BPTF: variants seen among roughly 807,000 people sequenced by gnomAD.
The protein encoded by BPTF is bromodomain PHD finger transcription factor.
Under a neutral mutation model 292.5 loss-of-function variants are expected in BPTF, and 18 were observed. The observed-to-expected ratio is 0.06, with a 90% CI of 0.04 to 0.09. BPTF has a LOEUF of 0.09. Among genes scored for constraint, BPTF ranks in the 10% least tolerant of loss-of-function variants. The pLI, the probability that BPTF is intolerant of heterozygous loss-of-function variation, is 1.00. For missense variants in BPTF, 2,726 were observed against 3,498.7 expected (o/e 0.78, Z 5.57); for synonymous variants, 1,225 against 1,251.9 (o/e 0.98, Z 0.45).
rs2065747994 is a variant in BPTF at position 67,945,593 on chromosome 17, T to C, written c.6885T>C (p.Thr2295=). 6.2e-7 allele frequency: 1 copy of C among 1,611,270 alleles called. No individual in the cohort carries two copies. Among genetic ancestry groups the C allele is most frequent in the Non-Finnish European group, 8.5e-7 (1 of 1,178,474 alleles). ...CCCCAGCTCAGCCTGAAGTTCAGAC[T>C]CAGCCTGAAGTTCAGACCCAAACAA... is the stretch of plus-strand genomic sequence containing the variant. ...PQSPAQPEVQ[T]QPEVQTQTTV... The change falls in exon 21 of 28, where the codon ACT becomes ACC. Residue 2295 remains threonine, a synonymous_variant. Transcript: ENST00000306378.
At chr17:67,970,454 A>T (rs892744568) in intron 26 of BPTF, among the ~76,000 whole-genome samples, 1 of 152,132 alleles carries the variant, frequency 6.6e-6, no homozygotes, top group Non-Finnish European at 1.5e-5. Context: ...ATAATCTCCT[A>T]TATCTCCTAA....
At chr17:67,974,886 G>GA (rs1266445716) in intron 26 of BPTF, 1 of 151,964 alleles carries the variant, frequency 6.6e-6, no homozygotes, top group Non-Finnish European at 1.5e-5. Flanking sequence ...AGGCATGAGT[G>GA]ATTACATCAT....
intron 21 of BPTF, 43 bp downstream of exon 21, chr17:67,946,368 T>A (rs1555675485): frequency 6.3e-7 from 1 of 1,595,956 alleles, no homozygotes; most frequent in South Asian, 1.1e-5. Context: ...TAGCTTGAAT[T>A]ATTGTGCTGT....
intron 4 of BPTF, among the ~76,000 whole-genome samples, chr17:67,889,562 C>T (rs1483663128): frequency 1.3e-5 from 2 of 152,160 alleles, no homozygotes; most frequent in African/African-American, 4.8e-5. Flanking sequence ...AATCCCAGCA[C>T]TTTGGGAGGC....
rs113068376 is a variant in BPTF, at chr17:67,893,672, A to G, written c.2358A>G (p.Gln786=). 56 of 1,611,410 alleles carry G rather than the reference A, an allele frequency of 3.5e-5. No homozygotes were observed. In the African/African-American group the frequency reaches 4.0e-4, roughly 12 times the overall value. The part of the protein sequence containing the change: ...TISTLRLTIT[Q]LENNIPSSFL... ...CTACTCTGAGACTGACTATCACCCA[A>G]TTAGAAAACAACATCCCTTCATCCT... The change falls in exon 6 of 28, where the codon CAA becomes CAG. Residue 786 remains glutamine, a synonymous_variant. Coordinates refer to ENST00000306378, the MANE Select transcript of BPTF (RefSeq NM_182641.4).
intron 3 of BPTF, among the ~76,000 whole-genome samples, chr17:67,872,770 A>G (rs1327062292): frequency 6.6e-6 from 1 of 152,206 alleles, no homozygotes; most frequent in Non-Finnish European, 1.5e-5. Context: ...ATCGGTAACT[A>G]CATTTTCTTT....
At chr17:67,856,196 G>T (rs1004385584) in intron 2 of BPTF, among the ~76,000 whole-genome samples, 1 of 152,072 alleles carries the variant, frequency 6.6e-6, no homozygotes, top group African/African-American at 2.4e-5. Flanking sequence ...GTATTTGTAT[G>T]TGTTCAGTTT....
intron 26 of BPTF, among the ~76,000 whole-genome samples, chr17:67,973,664 C>A (rs1313214080): frequency 6.6e-6 from 1 of 151,944 alleles, no homozygotes; most frequent in Admixed American, 6.6e-5. Flanking sequence ...TGCCACCATG[C>A]CTGGCTTATT....
intron 26 of BPTF, chr17:67,974,952 G>T (rs562543174): frequency 6.6e-5 from 10 of 152,276 alleles, no homozygotes; most frequent in African/African-American, 2.4e-4. Context: ...GAGGTTGGGG[G>T]ATGGGACTAA....
chr17:67,924,677 G>A (rs1236795132), intron 15 of BPTF, 88 bp downstream of exon 15: 5 of 1,453,776 alleles, frequency 3.4e-6, no homozygotes, highest in South Asian at 1.2e-5. Flanking sequence ...TCAGCAGGGG[G>A]AGTTGGTGCT....
At position 67,918,732 on chromosome 17, in the gene BPTF, A is replaced by G. The variant is rs752412298; in HGVS notation, c.5322A>G (p.Val1774=). Residue 1774 remains valine (V), a synonymous_variant, in exon 12 of 28, where the codon GTA becomes GTG. Coordinates refer to ENST00000306378, the MANE Select transcript of BPTF (RefSeq NM_182641.4). ...GITWRYRLQT[V]KSLAGVSLML... ...CTTTCAGGTATAGACTTCAGACAGT[A>G]AAGTCCTTAGCTGGAGTGAGCCTGA... is the stretch of plus-strand genomic sequence containing the variant. 1.9e-6 allele frequency: 3 copies of G among 1,613,402 alleles called. No homozygotes were observed. Among genetic ancestry groups the G allele is most frequent in the African/African-American group, 2.7e-5 (2 of 74,914 alleles).
chr17:67,885,600 T>C (rs932816756), intron 4 of BPTF, among the ~76,000 whole-genome samples: 1 of 152,060 alleles, frequency 6.6e-6, no homozygotes, highest in Non-Finnish European at 1.5e-5. Flanking sequence ...AAAAAGAAGT[T>C]AACAATCGCA....
intron 1 of BPTF, among the ~76,000 whole-genome samples, chr17:67,844,564 T>TC (rs1045080488): frequency 2.7e-5 from 4 of 149,584 alleles, no homozygotes; most frequent in Admixed American, 2.7e-4. Context: ...TTTTTCTTTT[T>TC]TTTTTTTTGT....
chr17:67,940,563 A>C lies in BPTF; in HGVS notation c.6384A>C (p.Ser2128=), dbSNP rs2147819806. The C allele has an allele frequency of 1.9e-6, 3 of 1,614,116 alleles. No individual in the cohort carries two copies. In the East Asian group the frequency reaches 6.7e-5, roughly 36 times the overall value. ...QKSLTSATST[S]NIQSSASQPP... is the part of the protein sequence containing the mutation. The stretch of plus-strand genomic sequence containing the variant: ...GCTTAACTTCAGCAACGTCCACTTC[A>C]AATATACAGTCTTCAGCCTCACAAC... The change falls in exon 19 of 28, where the codon TCA becomes TCC. Residue 2128 remains serine (S), a synonymous_variant. Transcript: ENST00000306378.
intron 2 of BPTF, among the ~76,000 whole-genome samples, chr17:67,858,766 A>T (rs2058887880): frequency 6.6e-6 from 1 of 152,202 alleles, no homozygotes; most frequent in South Asian, 2.1e-4. Context: ...AGTGAAATTT[A>T]GTCCATGCTC....
chr17:67,826,603 TC>T (rs1222312150), intron 1 of BPTF, among the ~76,000 whole-genome samples: 1 of 143,828 alleles, frequency 7.0e-6, no homozygotes, highest in African/African-American at 2.5e-5. Flanking sequence ...CCCCTTTTTT[TC>T]CTCTTCAAAA....
intron 1 of BPTF, among the ~76,000 whole-genome samples, chr17:67,844,985 C>T (rs1450682653): frequency 6.6e-6 from 1 of 152,156 alleles, no homozygotes; most frequent in South Asian, 2.1e-4. Context: ...TCAAGTAATC[C>T]ATCCGCCTCA....
intron 19 of BPTF, among the ~76,000 whole-genome samples, chr17:67,942,992 T>C (rs6504553): frequency 0.9 from 136,924 of 152,054 alleles, 63,441 homozygotes; most frequent in East Asian, 1. Context: ...TTGTATTCTT[T>C]GTGAATATTG....
chr17:67,849,021 T>C (rs142341573), intron 1 of BPTF, among the ~76,000 whole-genome samples: 138 of 152,364 alleles, frequency 9.1e-4, no homozygotes, highest in Non-Finnish European at 1.9e-3. Flanking sequence ...AAGCTTCAGC[T>C]TCCCTTTGCA....
Sources: gnomAD v4.1 joint callset for allele counts (sites outside exome capture counted in the v4.1 genomes callset) on GRCh38, gnomAD v4.1.1 for gene constraint, MANE v1.5 for transcripts, NCBI Gene and HGNC (gene_info 2026-07-23, HGNC 2026-07-21) for gene names.